TMEM14C: variants seen among roughly 807,000 people sequenced by gnomAD.
TMEM14C encodes transmembrane protein 14C.
A neutral mutation model predicts 14.8 loss-of-function variants in TMEM14C; 13 were observed. The observed-to-expected ratio is 0.88, with a 90% CI of 0.57 to 1.40. The LOEUF (loss-of-function observed/expected upper bound fraction) is 1.40, where lower values mean the gene tolerates loss of function less well. TMEM14C is among the 40% of genes most tolerant of loss of function. TMEM14C has a pLI of 0.00. For synonymous variants in TMEM14C, 57 were observed against 51.3 expected (o/e 1.11, Z -0.48); for missense variants, 142 against 138.8 (o/e 1.02, Z -0.12).
rs374813711 is a variant in TMEM14C at position 10,730,627 on chromosome 6, C to T, written c.300C>T (p.Val100=). Residue 100 remains valine, a synonymous_variant, in exon 6 of 6, where the codon GTC becomes GTT. Transcript: ENST00000229563. ...GLIAGASLLM[V]AKVGVSMFNR... is the part of the protein sequence containing the mutation. ...TTCTTTTAAACAGTTTGCTGATGGT[C>T]GCCAAAGTTGGAGTTAGTATGTTCA... is the stretch of plus-strand genomic sequence containing the variant. 4 of 1,612,176 alleles carry T rather than the reference C, an allele frequency of 2.5e-6. No individual in the cohort carries two copies. The highest frequency in any genetic ancestry group is 1.3e-5 in the African/African-American group (1 of 74,974).
intron 3 of TMEM14C, 81 bp from the exon 4 acceptor site, chr6:10,725,826 T>G (rs1412647613): frequency 1.9e-6 from 3 of 1,557,402 alleles, no homozygotes; most frequent in African/African-American, 2.7e-5. Context: ...TGTCCTCCTT[T>G]GTAGGGCAGC....
chr6:10,725,253 TG>T (rs1355390898), intron 3 of TMEM14C, among the ~76,000 whole-genome samples: 1 of 152,230 alleles, frequency 6.6e-6, no homozygotes, highest in Non-Finnish European at 1.5e-5. Flanking sequence ...TACTTGTTTT[TG>T]CCTCTTTATC....
chr6:10,730,984 C>T lies in TMEM14C; in HGVS notation c.*318C>T, dbSNP rs1342924871. 2.9e-6 allele frequency: 3 copies of T among 1,040,810 alleles called. No individual in the cohort carries two copies. Among genetic ancestry groups the T allele is most frequent in the South Asian group, 8.6e-5 (2 of 23,174 alleles). The allele number at this position is 1,040,810 out of a possible 1,614,324, so 64.5% of individuals were successfully genotyped here. A position where few individuals can be genotyped will look rare whatever the true frequency, so the allele number is the denominator to read the frequency against. On this transcript the variant is annotated 3_prime_UTR_variant, in exon 6 of 6. Coordinates refer to ENST00000229563, the MANE Select transcript of TMEM14C (RefSeq NM_016462.4). ...TGTCAGCTTTCAGGGCTCTGAAACC[C>T]CATTCCCTGCTCTGAGGAACAGTGT...
chr6:10,724,365 G>C (rs1281966851), intron 1 of TMEM14C: 2 of 532,870 alleles, frequency 3.8e-6, no homozygotes, highest in Non-Finnish European at 6.7e-6. Context: ...CATCTGTTCA[G>C]GGTTTACTAG....
At chr6:10,729,061 T>C (rs1487878863) in intron 5 of TMEM14C, among the ~76,000 whole-genome samples, 1 of 152,192 alleles carries the variant, frequency 6.6e-6, no homozygotes, top group Non-Finnish European at 1.5e-5. Context: ...GGCCCCATAT[T>C]TCTTAGATGT....
intron 4 of TMEM14C, 145 bp from the exon 5 acceptor site, chr6:10,728,495 C>T (rs1403132503): frequency 7.2e-6 from 6 of 838,160 alleles, no homozygotes; most frequent in East Asian, 5.3e-5. Flanking sequence ...TGTGGGCAGT[C>T]AGTAGTCTCC....
chr6:10,724,323 A>G (rs547664020), intron 1 of TMEM14C: 14 of 401,432 alleles, frequency 3.5e-5, no homozygotes, highest in African/African-American at 2.0e-4. Flanking sequence ...GGCCTATGTG[A>G]TTAAAACTGA....
intron 4 of TMEM14C, among the ~76,000 whole-genome samples, chr6:10,727,254 T>C (rs977406919): frequency 6.6e-6 from 1 of 152,122 alleles, no homozygotes; most frequent in Non-Finnish European, 1.5e-5. Context: ...ACCTTTACAC[T>C]GGCCAGGATC....
chr6:10,730,709 C>G lies in TMEM14C; in HGVS notation c.*43C>G. Reference sequence around the variant, plus strand: ...CTTAGACTGATGAAGAATTAAAAATCTGCATCTTCCACTATTTTCAATATA... The same window carrying G: ...CTTAGACTGATGAAGAATTAAAAATGTGCATCTTCCACTATTTTCAATATA... On this transcript the variant is annotated 3_prime_UTR_variant, in exon 6 of 6. Transcript: ENST00000229563. 1 of 1,548,258 alleles carries G rather than the reference C, an allele frequency of 6.5e-7. No homozygotes were observed. The highest frequency in any genetic ancestry group is 1.2e-5 in the South Asian group (1 of 81,444).
chr6:10,728,194 G>A (rs1417678054), intron 4 of TMEM14C, among the ~76,000 whole-genome samples: 1 of 152,214 alleles, frequency 6.6e-6, no homozygotes, highest in Non-Finnish European at 1.5e-5. Context: ...CTGAAGCACT[G>A]TAAAAGGGCA....
rs555183594 is a variant in TMEM14C at position 10,724,525 on chromosome 6, A to G, written c.-44-45A>G. 93 of 1,356,882 alleles carry G rather than the reference A, an allele frequency of 6.9e-5. No individual in the cohort carries two copies. The African/African-American group carries it at 1.1e-3, about 17-fold the overall frequency. 84.1% of individuals were successfully genotyped at this position (1,356,882 alleles called of 1,614,324 possible). A position where few individuals can be genotyped will look rare whatever the true frequency, so the allele number is the denominator to read the frequency against. On this transcript the variant is annotated intron_variant, in intron 1 of 5. Coordinates refer to ENST00000229563, the MANE Select transcript of TMEM14C (RefSeq NM_016462.4). ...GGACACACTTCTTTCTGACTGCTGGAGAGCTGTGCTTTTAACTACCTCTGA... is the reference window on the plus strand; with the variant it reads ...GGACACACTTCTTTCTGACTGCTGGGGAGCTGTGCTTTTAACTACCTCTGA...
At chr6:10,729,736 C>CCA (rs1407936681) in intron 5 of TMEM14C, among the ~76,000 whole-genome samples, 6 of 152,126 alleles carry the variant, frequency 3.9e-5, no homozygotes, top group African/African-American at 1.4e-4. Flanking sequence ...TGAGATCATG[C>CCA]CACTGCACTC....
rs571085701 is a variant in TMEM14C, at chr6:10,726,472, A to C, written c.199+464A>C. On this transcript the variant is annotated intron_variant, in intron 4 of 5. Coordinates refer to ENST00000229563, the MANE Select transcript of TMEM14C (RefSeq NM_016462.4). ...TTTGGGAGGCCGAGGCAAGTGGATT[A>C]CAAGGTGAGAAGTTCGAGACCAGCC... 2.0e-5 allele frequency among the ~76,000 whole-genome samples: 3 copies of C among 152,334 alleles called. No individual in the cohort carries two copies. In the South Asian group the frequency reaches 6.2e-4, roughly 32 times the overall value.
rs1319032825 is a variant in TMEM14C, at chr6:10,725,845, G to A, written c.98-62G>A. ...CTCCTTTGTAGGGCAGCGGTCTGGGGGATTCCGTTAGTGAAATAAGTGCCT... is the reference window on the plus strand; with the variant it reads ...CTCCTTTGTAGGGCAGCGGTCTGGGAGATTCCGTTAGTGAAATAAGTGCCT... On this transcript the variant is annotated intron_variant, in intron 3 of 5. Coordinates refer to ENST00000229563, the MANE Select transcript of TMEM14C (RefSeq NM_016462.4). 3.1e-6 allele frequency: 5 copies of A among 1,603,642 alleles called. No individual in the cohort carries two copies. The East Asian group carries it at 1.1e-4, about 36-fold the overall frequency.
Position 10,730,785 on chromosome 6 carries a change from A to C in TMEM14C, c.*119A>C. On this transcript the variant is annotated 3_prime_UTR_variant, in exon 6 of 6. Transcript: ENST00000229563. ...TGCATCTGACATTTTACCTAAAAAA[A>C]AAGACACCAAACTTGGCAGAGAGGT... 7.2e-7 allele frequency: 1 copy of C among 1,391,042 alleles called. No homozygotes were observed. The highest frequency in any genetic ancestry group is 9.4e-7 in the Non-Finnish European group (1 of 1,064,672). The allele number at this position is 1,391,042 out of a possible 1,614,324, so 86.2% of individuals were successfully genotyped here. A position where few individuals can be genotyped will look rare whatever the true frequency, so the allele number is the denominator to read the frequency against.
intron 1 of TMEM14C, 76 bp downstream of exon 1, chr6:10,723,317 T>C (rs1299845013): frequency 6.6e-6 from 1 of 152,264 alleles, no homozygotes; most frequent in Non-Finnish European, 1.5e-5. Context: ...TTCACGGCCG[T>C]CTGCTTTTCG....
chr6:10,727,098 C>A (rs867406629), intron 4 of TMEM14C, among the ~76,000 whole-genome samples: 1 of 152,150 alleles, frequency 6.6e-6, no homozygotes, highest in Non-Finnish European at 1.5e-5. Context: ...AATGACCTCA[C>A]GCCTATTGTA....
rs146704367 is a variant in TMEM14C at position 10,724,542 on chromosome 6, T to C, written c.-44-28T>C. On this transcript the variant is annotated intron_variant, in intron 1 of 5. Coordinates refer to ENST00000229563, the MANE Select transcript of TMEM14C (RefSeq NM_016462.4). ...ACTGCTGGAGAGCTGTGCTTTTAAC[T>C]ACCTCTGATCCAGCTTGTTTTCTGC... The C allele has an allele frequency of 2.9e-3, 4,397 of 1,528,248 alleles. 127 individuals carry two copies. In the African/African-American group the frequency reaches 0.051, roughly 18 times the overall value. The allele number at this position is 1,528,248 out of a possible 1,614,324, so 94.7% of individuals were successfully genotyped here. A position where few individuals can be genotyped will look rare whatever the true frequency, so the allele number is the denominator to read the frequency against.
chr6:10,724,250 T>A (rs539215490), intron 1 of TMEM14C, among the ~76,000 whole-genome samples: 5 of 152,224 alleles, frequency 3.3e-5, no homozygotes, highest in African/African-American at 1.2e-4. Flanking sequence ...GGGTAGCTGA[T>A]GAAATGACTA....
Sources: allele counts gnomAD v4.1 joint callset (sites outside exome capture counted in the v4.1 genomes callset), GRCh38; gene constraint gnomAD v4.1.1; transcripts MANE v1.5; gene names NCBI Gene and HGNC (gene_info 2026-07-23, HGNC 2026-07-21).